PTCHD4: variants seen among roughly 807,000 people sequenced by gnomAD.
PTCHD4 encodes patched domain containing 4.
PTCHD4 carries 33 observed loss-of-function variants against 58.1 expected under a neutral mutation model. The observed-to-expected ratio is 0.57, with a 90% CI of 0.43 to 0.76. The LOEUF is 0.76. Among genes scored for constraint, PTCHD4 ranks in the 30% least tolerant of loss-of-function variants. The pLI is 0.00. For missense variants in PTCHD4, 1,058 were observed against 1,027.1 expected, an observed-to-expected ratio of 1.03 and a Z score of -0.41; for synonymous variants, 478 against 409.6, an observed-to-expected ratio of 1.17 and a Z score of -2.02.
At position 47,878,624 on chromosome 6, in the gene PTCHD4, A is replaced by T; in HGVS notation, c.2211T>A (p.Thr737=). ...TTATACATTGTGTTCGGGTGTGCTC[A>T]GTTGCTAATACAAATGTGAAAAGCA... ...APLLFTFVLA[T]EHTRTQCIKS... The change falls in exon 5 of 5, where the codon ACT becomes ACA. Residue 737 remains threonine, a synonymous_variant. Coordinates refer to ENST00000339488, the MANE Select transcript of PTCHD4 (RefSeq NM_001384253.1). 1.2e-6 allele frequency: 2 copies of T among 1,613,646 alleles called. No individual in the cohort carries two copies. Among genetic ancestry groups the T allele is most frequent in the Non-Finnish European group, 1.7e-6 (2 of 1,179,754 alleles).
rs569364289 is a variant in PTCHD4 at position 48,007,921 on chromosome 6, A to T, written c.898+713T>A. On this transcript the variant is annotated intron_variant, in intron 4 of 4. Coordinates refer to ENST00000339488, the MANE Select transcript of PTCHD4 (RefSeq NM_001384253.1). ...CCAGATTTGATCTTCTCTTTGAAAG[A>T]ATATGTGCGCGCGCGCACACACACA... Among the ~76,000 whole-genome samples the T allele has an allele frequency of 1.3e-4, 16 of 119,322 alleles. 1 individual carries two copies. The East Asian group carries it at 1.7e-3, about 13-fold the overall frequency. 78.3% of individuals were successfully genotyped at this position (119,322 alleles called of 152,430 possible). A position where few individuals can be genotyped will look rare whatever the true frequency, so the allele number is the denominator to read the frequency against.
At chr6:47,976,347 T>TTACGTTACAGAAATATATAAATATATAAA (rs1376694142) in intron 4 of PTCHD4, among the ~76,000 whole-genome samples, 11 of 152,216 alleles carry the variant, frequency 7.2e-5, no homozygotes, top group African/African-American at 2.6e-4. Flanking sequence ...CCAGAGGCAT[T>TTACGTTACAGAAATATATAAATATATAAA]TACGTTACAG....
intron 1 of PTCHD4, among the ~76,000 whole-genome samples, chr6:48,101,310 A>C (rs1157756478): frequency 6.6e-6 from 1 of 152,192 alleles, no homozygotes; most frequent in African/African-American, 2.4e-5. Context: ...ATTATGACAC[A>C]AAGTCCCTTT....
chr6:47,962,121 A>G (rs1736971990), intron 4 of PTCHD4, among the ~76,000 whole-genome samples: 1 of 152,228 alleles, frequency 6.6e-6, no homozygotes, highest in South Asian at 2.1e-4. Flanking sequence ...ATAAGAGAAT[A>G]TTATGAAAAA....
chr6:47,910,259 C>T (rs1413266374), intron 4 of PTCHD4, among the ~76,000 whole-genome samples: 1 of 152,146 alleles, frequency 6.6e-6, no homozygotes, highest in East Asian at 1.9e-4. Flanking sequence ...TTACCTCTTG[C>T]CTCACCTAGT....
chr6:47,931,505 A>C (rs571756523), intron 4 of PTCHD4, among the ~76,000 whole-genome samples: 6 of 152,202 alleles, frequency 3.9e-5, no homozygotes, highest in Non-Finnish European at 7.3e-5. Context: ...ATAAAGGAGC[A>C]CATTTGTAGT....
chr6:48,108,150 A>G (rs1185252683), intron 1 of PTCHD4, among the ~76,000 whole-genome samples: 2 of 152,234 alleles, frequency 1.3e-5, no homozygotes, highest in African/African-American at 4.8e-5. Flanking sequence ...ACACATGCAC[A>G]TGTACGTTTA....
rs1764924567 is a variant in PTCHD4, at chr6:48,069,238, A to T, written c.-281T>A. 6.6e-6 allele frequency among the ~76,000 whole-genome samples: 1 copy of T among 150,404 alleles called. No homozygotes were observed. Among genetic ancestry groups the T allele is most frequent in the African/African-American group, 2.5e-5 (1 of 40,632 alleles). Reference sequence around the variant, plus strand: ...TTTTTTCTTTTTTTAAGATGCTGACAGTTATTTTTAGAGTTTTGTGTTCCC... The same window carrying T: ...TTTTTTCTTTTTTTAAGATGCTGACTGTTATTTTTAGAGTTTTGTGTTCCC... On this transcript the variant is annotated 5_prime_UTR_variant, in exon 2 of 5. Transcript: ENST00000339488.
intron 4 of PTCHD4, among the ~76,000 whole-genome samples, chr6:47,982,088 T>C (rs1013115128): frequency 8.5e-5 from 13 of 152,192 alleles, no homozygotes; most frequent in Non-Finnish European, 1.6e-4. Context: ...CAGCCTGACA[T>C]AAATCTAAGG....
intron 3 of PTCHD4, among the ~76,000 whole-genome samples, chr6:48,032,222 A>T (rs1268749147): frequency 6.6e-5 from 10 of 152,160 alleles, no homozygotes; most frequent in Non-Finnish European, 5.9e-5. Flanking sequence ...ATCCTTAGAG[A>T]TGACCTCACA....
At chr6:47,957,892 C>A (rs574808354) in intron 4 of PTCHD4, among the ~76,000 whole-genome samples, 1 of 152,234 alleles carries the variant, frequency 6.6e-6, no homozygotes, top group African/African-American at 2.4e-5. Flanking sequence ...GCGTGAGCCA[C>A]CGCGCCCGGC....
At chr6:47,976,979 G>A (rs1405161847) in intron 4 of PTCHD4, among the ~76,000 whole-genome samples, 6 of 152,042 alleles carry the variant, frequency 3.9e-5, no homozygotes, top group Admixed American at 3.3e-4. Flanking sequence ...TAACTTTATC[G>A]AAAAGTAATT....
intron 4 of PTCHD4, among the ~76,000 whole-genome samples, chr6:47,977,684 G>A (rs1035717401): frequency 3.3e-5 from 5 of 151,290 alleles, no homozygotes; most frequent in African/African-American, 1.2e-4. Context: ...TTGTTATGCT[G>A]CAATAGATAG....
chr6:47,950,414 G>A (rs918262449), intron 4 of PTCHD4, among the ~76,000 whole-genome samples: 5 of 152,094 alleles, frequency 3.3e-5, no homozygotes, highest in East Asian at 1.9e-4. Flanking sequence ...AGTGTAGGTA[G>A]GAAGAAGTAG....
chr6:48,103,675 C>A (rs1332684433), intron 1 of PTCHD4, among the ~76,000 whole-genome samples: 1 of 151,176 alleles, frequency 6.6e-6, no homozygotes, highest in Admixed American at 6.6e-5. Context: ...AAGTTCTAAC[C>A]AATGGCAAAG....
chr6:47,976,215 C>T (rs960811632), intron 4 of PTCHD4, among the ~76,000 whole-genome samples: 1 of 152,156 alleles, frequency 6.6e-6, no homozygotes, highest in African/African-American at 2.4e-5. Context: ...GTCAAATGCA[C>T]AACTTTATCT....
chr6:47,932,149 G>A (rs1033001642), intron 4 of PTCHD4, among the ~76,000 whole-genome samples: 1 of 152,152 alleles, frequency 6.6e-6, no homozygotes, highest in Non-Finnish European at 1.5e-5. Context: ...CCCAGGGTGT[G>A]GCAGTTGAGA....
intron 4 of PTCHD4, among the ~76,000 whole-genome samples, chr6:47,888,218 G>T (rs1764254912): frequency 6.6e-6 from 1 of 152,092 alleles, no homozygotes; most frequent in Admixed American, 6.6e-5. Context: ...TTAGCCGGGT[G>T]TGGTGGTGGG....
chr6:47,971,375 G>A (rs952769041), intron 4 of PTCHD4, among the ~76,000 whole-genome samples: 9 of 152,024 alleles, frequency 5.9e-5, no homozygotes, highest in African/African-American at 1.7e-4. Context: ...TGTGAAGGTC[G>A]TCCAAATTGA....
Sources: allele counts gnomAD v4.1 joint callset (sites outside exome capture counted in the v4.1 genomes callset), GRCh38; gene constraint gnomAD v4.1.1; transcripts MANE v1.5; gene names NCBI Gene and HGNC (gene_info 2026-07-23, HGNC 2026-07-21).